Variants in MATN2 observed in about 807,000 individuals in gnomAD.
The protein encoded by MATN2 is matrilin-2.
In MATN2, 69 loss-of-function variants were observed where a neutral mutation model predicts 103.2. The observed-to-expected ratio is 0.67, with a 90% CI of 0.55 to 0.82. The LOEUF (loss-of-function observed/expected upper bound fraction) is 0.82. Among genes scored for constraint, MATN2 ranks in the 40% least tolerant of loss-of-function variants. MATN2 has a pLI of 0.00. For synonymous variants in MATN2, 429 were observed against 450.2 expected, an observed-to-expected ratio of 0.95 and a Z score of 0.60; for missense variants, 1,023 against 1,211.5, an observed-to-expected ratio of 0.84 and a Z score of 2.31.
intron 4 of MATN2, among the ~76,000 whole-genome samples, chr8:97,961,057 C>T (rs13268771): frequency 1.1e-4 from 17 of 152,160 alleles, no homozygotes; most frequent in African/African-American, 3.6e-4. Flanking sequence ...TCAAGTGATC[C>T]GCCCACCTCG....
chr8:97,933,070 G>A (rs767810407), intron 3 of MATN2, among the ~76,000 whole-genome samples: 1 of 152,164 alleles, frequency 6.6e-6, no homozygotes, highest in Non-Finnish European at 1.5e-5. Context: ...ATCCCCTGCT[G>A]AGAACTAACT....
intron 10 of MATN2, among the ~76,000 whole-genome samples, chr8:98,012,133 GT>G (rs1430360107): frequency 6.6e-6 from 1 of 152,122 alleles, no homozygotes; most frequent in East Asian, 1.9e-4. Context: ...TCCTCTCTGG[GT>G]TTGAATCTAG....
At chr8:98,022,351 C>T (rs527910911) in intron 13 of MATN2, among the ~76,000 whole-genome samples, 8 of 112,826 alleles carry the variant, frequency 7.1e-5, no homozygotes, top group Non-Finnish European at 1.2e-4. Flanking sequence ...ATGTGTATAC[C>T]CTTATGCACA....
At chr8:97,935,307 A>G (rs1341509275) in intron 3 of MATN2, among the ~76,000 whole-genome samples, 1 of 152,178 alleles carries the variant, frequency 6.6e-6, no homozygotes, top group African/African-American at 2.4e-5. Flanking sequence ...ACTAATAATC[A>G]CTAACATTTC....
chr8:98,012,460 G>A (rs1296461796), intron 10 of MATN2, among the ~76,000 whole-genome samples: 1 of 152,180 alleles, frequency 6.6e-6, no homozygotes, highest in Non-Finnish European at 1.5e-5. Flanking sequence ...CCGACACCCA[G>A]AGAGTGAGTA....
chr8:97,939,578 A>C (rs1810485344), intron 3 of MATN2, among the ~76,000 whole-genome samples: 3 of 152,202 alleles, frequency 2.0e-5, no homozygotes, highest in South Asian at 4.2e-4. Context: ...GGAGCCCCGG[A>C]GATTGAGGCT....
intron 2 of MATN2, among the ~76,000 whole-genome samples, chr8:97,917,591 AC>A (rs1450129265): frequency 1.3e-5 from 2 of 152,102 alleles, no homozygotes; most frequent in African/African-American, 4.8e-5. Flanking sequence ...GAGCCTGGCT[AC>A]CCCAACTTCC....
chr8:98,034,629 G>A (rs749949484), intron 18 of MATN2, among the ~76,000 whole-genome samples: 9 of 152,098 alleles, frequency 5.9e-5, no homozygotes, highest in Non-Finnish European at 5.9e-5. Flanking sequence ...CTATTCTAAT[G>A]CCCTTTTCTT....
At chr8:98,025,729 C>A (rs1269652017) in intron 13 of MATN2, 2 of 438,392 alleles carry the variant, frequency 4.6e-6, no homozygotes, top group South Asian at 1.6e-5. Context: ...CTGGGCGACA[C>A]AGCAAGACTC....
At chr8:97,972,090 G>A (rs1490636523) in intron 5 of MATN2, among the ~76,000 whole-genome samples, 1 of 151,976 alleles carries the variant, frequency 6.6e-6, no homozygotes, top group Non-Finnish European at 1.5e-5. Flanking sequence ...CAGCTATTCA[G>A]GAGGCTGAGG....
chr8:97,882,552 G>A (rs1172295660), intron 1 of MATN2, among the ~76,000 whole-genome samples: 1 of 151,704 alleles, frequency 6.6e-6, no homozygotes, highest in African/African-American at 2.4e-5. Context: ...CTTCCTTTGT[G>A]CCACCATGTC....
chr8:98,036,060 T>G lies in MATN2; in HGVS notation c.*348T>G, dbSNP rs187288490. 1.1e-3 allele frequency: 201 copies of G among 188,504 alleles called. 1 individual carries two copies. The highest frequency in any genetic ancestry group is 4.4e-3 in the African/African-American group (189 of 43,196). 11.7% of individuals were successfully genotyped at this position (188,504 alleles called of 1,614,324 possible). Reference sequence around the variant, plus strand: ...TACGATAAAGTTTGCACAGTCTTACTTCTGTAGAACACTGGCCATAGGAAA... The same window carrying G: ...TACGATAAAGTTTGCACAGTCTTACGTCTGTAGAACACTGGCCATAGGAAA... On this transcript the variant is annotated 3_prime_UTR_variant, in exon 19 of 19. Coordinates refer to ENST00000254898, the MANE Select transcript of MATN2 (RefSeq NM_002380.5).
intron 4 of MATN2, among the ~76,000 whole-genome samples, chr8:97,943,414 C>T (rs1810639034): frequency 6.6e-6 from 1 of 151,114 alleles, no homozygotes; most frequent in Admixed American, 6.6e-5. Context: ...TCTCCTTCTC[C>T]TTCTCCTTCT....
intron 1 of MATN2, among the ~76,000 whole-genome samples, chr8:97,876,925 C>A (rs4360265): frequency 6.6e-6 from 1 of 151,316 alleles, no homozygotes; most frequent in African/African-American, 2.4e-5. Context: ...TTTATTGCTG[C>A]GTAATATCCC....
intron 1 of MATN2, among the ~76,000 whole-genome samples, chr8:97,872,130 T>C (rs1456819720): frequency 6.6e-6 from 1 of 152,222 alleles, no homozygotes; most frequent in African/African-American, 2.4e-5. Context: ...TTGGTTTATA[T>C]CATCTGTCAA....
At chr8:98,022,452 A>G (rs1813632949) in intron 13 of MATN2, among the ~76,000 whole-genome samples, 1 of 152,210 alleles carries the variant, frequency 6.6e-6, no homozygotes, top group African/African-American at 2.4e-5. Flanking sequence ...AAAATAAGAT[A>G]AACACGATTT....
chr8:97,870,745 G>A (rs1482795325), intron 1 of MATN2, among the ~76,000 whole-genome samples: 2 of 152,130 alleles, frequency 1.3e-5, no homozygotes, highest in African/African-American at 4.8e-5. Flanking sequence ...GAGTCCACAC[G>A]GGCGCAGTTC....
At chr8:97,883,088 G>A (rs569786516) in intron 1 of MATN2, among the ~76,000 whole-genome samples, 2 of 152,100 alleles carry the variant, frequency 1.3e-5, no homozygotes, top group South Asian at 2.1e-4. Flanking sequence ...CAGATTGCCC[G>A]ACGTCAGGAG....
chr8:97,918,342 G>A (rs1161174815), intron 2 of MATN2, among the ~76,000 whole-genome samples: 1 of 152,180 alleles, frequency 6.6e-6, no homozygotes, highest in African/African-American at 2.4e-5. Flanking sequence ...TTTGCCTGTG[G>A]TGCCTTCAGT....
Sources: gnomAD v4.1 joint callset for allele counts (sites outside exome capture counted in the v4.1 genomes callset) on GRCh38, gnomAD v4.1.1 for gene constraint, MANE v1.5 for transcripts, NCBI Gene and HGNC (gene_info 2026-07-23, HGNC 2026-07-21) for gene names.